The following ATXN8OS variants were observed in gnomAD, a reference collection of about 807,000 sequenced individuals.
The protein encoded by ATXN8OS is ATXN8 opposite strand (non-protein coding).
chr13:70,108,144 G>C (rs1888123564), intron 1 of ATXN8OS: 2 of 402,264 alleles, frequency 5.0e-6, no homozygotes, highest in East Asian at 7.1e-5. Flanking sequence ...TAGTAGGGAA[G>C]GTGGTGGCGT....
At chr13:70,121,037 G>A (rs576959186) in intron 2 of ATXN8OS, among the ~76,000 whole-genome samples, 56 of 151,738 alleles carry the variant, frequency 3.7e-4, no homozygotes, top group Middle Eastern at 3.4e-3. Flanking sequence ...TAACCTGCAC[G>A]TTGTGCACAT....
At chr13:70,162,624 C>T (rs1214546172) in intron 4 of ATXN8OS, among the ~76,000 whole-genome samples, 1 of 151,946 alleles carries the variant, frequency 6.6e-6, no homozygotes, top group Non-Finnish European at 1.5e-5. Context: ...AGATCCTGTA[C>T]CCTAAATTTG....
At chr13:70,152,230 G>A (rs967054460) in intron 4 of ATXN8OS, among the ~76,000 whole-genome samples, 4 of 151,754 alleles carry the variant, frequency 2.6e-5, no homozygotes, top group Non-Finnish European at 4.4e-5. Context: ...CTTGAAGTTC[G>A]AACTTGAAGT....
At chr13:70,124,814 A>C (rs1279240725) in intron 2 of ATXN8OS, among the ~76,000 whole-genome samples, 1 of 152,096 alleles carries the variant, frequency 6.6e-6, no homozygotes, top group Non-Finnish European at 1.5e-5. Context: ...TCTAGCTTTG[A>C]AATACAGATA....
chr13:70,148,347 A>G (rs1333329296), intron 4 of ATXN8OS, among the ~76,000 whole-genome samples: 1 of 152,090 alleles, frequency 6.6e-6, no homozygotes, highest in Non-Finnish European at 1.5e-5. Flanking sequence ...ATCCATCAAG[A>G]GTCGGGTTGG....
chr13:70,114,491 G>A (rs999526074), intron 1 of ATXN8OS, among the ~76,000 whole-genome samples: 2 of 152,248 alleles, frequency 1.3e-5, no homozygotes, highest in East Asian at 1.9e-4. Context: ...TTCATGTGAT[G>A]TCTAGGACAA....
chr13:70,126,877 A>G (rs1217312903), intron 2 of ATXN8OS, among the ~76,000 whole-genome samples: 1 of 151,646 alleles, frequency 6.6e-6, no homozygotes, highest in Non-Finnish European at 1.5e-5. Context: ...TTACACATTT[A>G]TAGAGTTTTC....
At chr13:70,107,700 G>A (rs2137463434), upstream of ATXN8OS, 3 of 1,519,354 alleles carry the variant, frequency 2.0e-6, no homozygotes, top group South Asian at 2.6e-5. Context: ...AGCCTGACAT[G>A]CTTTACGCAC....
chr13:70,127,007 T>C, intron 2 of ATXN8OS, among the ~76,000 whole-genome samples: 1 of 151,942 alleles, frequency 6.6e-6, no homozygotes, highest in East Asian at 1.9e-4. Context: ...TGGATTTATA[T>C]ACAGTTTTGT....
rs548313911 is a variant in ATXN8OS at position 70,169,979 on chromosome 13, A to G, written n.800A>G. On this transcript the variant is annotated non_coding_transcript_exon_variant, in exon 5 of 5. Coordinates refer to ENST00000678624, the Ensembl canonical transcript of ATXN8OS. The stretch of plus-strand genomic sequence containing the variant: ...GACTTTCTTTCATGCCTTTACTGCT[A>G]CTCTCTGAGGTGTACTTGGGATTGG... 5.3e-5 allele frequency among the ~76,000 whole-genome samples: 8 copies of G among 152,014 alleles called. 1 individual carries two copies. Among genetic ancestry groups the G allele is most frequent in the Non-Finnish European group, 1.0e-4 (7 of 67,936 alleles).
In ATXN8OS at chr13:70,116,325, G is replaced by C. The variant is rs1027951307; in HGVS notation, n.398+1027G>C. 5.9e-5 allele frequency among the ~76,000 whole-genome samples: 9 copies of C among 152,214 alleles called. No homozygotes were observed. In the East Asian group the frequency reaches 1.7e-3, roughly 29 times the overall value. Reference sequence around the variant, plus strand: ...GAAATACAGAGAGTTTTGAAGGAAAGGGGGGCTGAGCTTTAAGTAATCTAT... The same window carrying C: ...GAAATACAGAGAGTTTTGAAGGAAACGGGGGCTGAGCTTTAAGTAATCTAT... On this transcript the variant is annotated intron_variant and non_coding_transcript_variant, in intron 2 of 4. Coordinates refer to ENST00000678624, the Ensembl canonical transcript of ATXN8OS.
At chr13:70,145,540 G>T (rs1288510996) in intron 3 of ATXN8OS, among the ~76,000 whole-genome samples, 6 of 151,896 alleles carry the variant, frequency 4.0e-5, no homozygotes, top group African/African-American at 1.2e-4. Context: ...GCAGTGGTTT[G>T]TAGTTCTCCT....
intron 3 of ATXN8OS, chr13:70,131,654 T>C (rs1566601012): frequency 2.5e-6 from 1 of 396,336 alleles, no homozygotes; most frequent in East Asian, 3.6e-5. Flanking sequence ...CCTTTTCTCA[T>C]GGAGACATTC....
chr13:70,153,664 T>C (rs1888900794), intron 4 of ATXN8OS, among the ~76,000 whole-genome samples: 1 of 152,176 alleles, frequency 6.6e-6, no homozygotes, highest in Non-Finnish European at 1.5e-5. Flanking sequence ...CTCTTCTTTA[T>C]TGTTGTTGGT....
At chr13:70,110,307 T>C (rs1397319403) in intron 1 of ATXN8OS, among the ~76,000 whole-genome samples, 1 of 152,098 alleles carries the variant, frequency 6.6e-6, no homozygotes, top group Non-Finnish European at 1.5e-5. Context: ...ATACAATATA[T>C]AAGTTTGAAA....
Position 70,150,191 on chromosome 13 carries a change from ACTC to A in ATXN8OS, n.573+2769_573+2771del, listed in dbSNP as rs549457852. 4.0e-3 allele frequency among the ~76,000 whole-genome samples: 609 copies of A among 152,160 alleles called. 4 individuals are homozygous for A. Among genetic ancestry groups the A allele is most frequent in the Non-Finnish European group, 7.1e-3 (483 of 67,968 alleles). On this transcript the variant is annotated intron_variant and non_coding_transcript_variant, in intron 4 of 4. Transcript: ENST00000678624. ...TCCTAAATTCATATTCAATGAAGTT[ACTC>A]CTCCTATTCATGAGTGAGGAAGTGA...
intron 4 of ATXN8OS, among the ~76,000 whole-genome samples, chr13:70,168,593 ATT>A (rs377197453): frequency 2.3e-4 from 32 of 138,412 alleles, no homozygotes; most frequent in Admixed American, 2.2e-4. Flanking sequence ...CTGTGACATC[ATT>A]TTTTTTTTTT....
chr13:70,149,175 C>T (rs1056041430), intron 4 of ATXN8OS, among the ~76,000 whole-genome samples: 4 of 151,974 alleles, frequency 2.6e-5, no homozygotes, highest in Non-Finnish European at 5.9e-5. Flanking sequence ...TGGAATTTCC[C>T]TTTCTAATTG....
intron 1 of ATXN8OS, among the ~76,000 whole-genome samples, chr13:70,109,173 T>C (rs1039847201): frequency 6.6e-5 from 10 of 152,246 alleles, no homozygotes; most frequent in Admixed American, 5.2e-4. Flanking sequence ...CTACTTACTA[T>C]CTTGCAAATA....
Sources: gnomAD v4.1 joint callset for allele counts (sites outside exome capture counted in the v4.1 genomes callset) on GRCh38, gnomAD v4.1.1 for gene constraint, MANE v1.5 for transcripts, NCBI Gene and HGNC (gene_info 2026-07-23, HGNC 2026-07-21) for gene names.